The following PTCH2 variants were observed in gnomAD, a reference collection of about 807,000 sequenced individuals.
PTCH2 encodes the protein patched 2, also known as protein patched homolog 2.
In PTCH2, 96 loss-of-function variants were observed where a neutral mutation model predicts 117.9. The observed-to-expected ratio is 0.81, with a 90% confidence interval of 0.69 to 0.96. PTCH2 has a LOEUF of 0.96. Among genes scored for constraint, PTCH2 ranks in the 50% least tolerant of loss-of-function variants. The pLI is 0.00. For synonymous variants in PTCH2, 615 were observed against 660.9 expected, an observed-to-expected ratio of 0.93 and a Z score of 1.06; for missense variants, 1,379 against 1,562.5, an observed-to-expected ratio of 0.88 and a Z score of 1.98.
intron 19 of PTCH2, among the ~76,000 whole-genome samples, chr1:44,825,061 C>T (rs1293957328): frequency 6.6e-6 from 1 of 152,224 alleles, no homozygotes; most frequent in African/African-American, 2.4e-5. Flanking sequence ...ACATTCCAGA[C>T]AGGATCTTGT....
rs758146648 is a variant in PTCH2, at chr1:44,832,253, G to T, written c.354C>A (p.Thr118=). The change falls in exon 3 of 22, where the codon ACC becomes ACA. Residue 118 remains threonine (T), a synonymous_variant. Coordinates refer to ENST00000372192, the MANE Select transcript of PTCH2 (RefSeq NM_003738.5). Reference sequence around the variant, plus strand: ...GGATGTTCTCTCCCTCCTGGCGTGCGGTCTGTATCAGCATCTGAGAGGTGT... The same window carrying T: ...GGATGTTCTCTCCCTCCTGGCGTGCTGTCTGTATCAGCATCTGAGAGGTGT... ...AAYTSQMLIQ[T]ARQEGENILT... is the part of the protein sequence containing the mutation. 7.4e-6 allele frequency: 12 copies of T among 1,614,038 alleles called. No individual in the cohort carries two copies. Among genetic ancestry groups the T allele is most frequent in the Admixed American group, 1.7e-5 (1 of 60,004 alleles).
In PTCH2 at chr1:44,832,251, G is replaced by A; in HGVS notation, c.356C>T (p.Ala119Val). The A allele has an allele frequency of 6.2e-7, 1 of 1,614,210 alleles. No individual in the cohort carries two copies. The highest frequency in any genetic ancestry group is 2.2e-5 in the East Asian group (1 of 44,878). The part of the protein sequence containing the change: ...AYTSQMLIQT[A>V]RQEGENILTP... ...GAGGATGTTCTCTCCCTCCTGGCGT[G>A]CGGTCTGTATCAGCATCTGAGAGGT... The change falls in exon 3 of 22, where the codon GCA becomes GTA. Residue 119 changes from alanine to valine, a missense_variant. Coordinates refer to ENST00000372192, the MANE Select transcript of PTCH2 (RefSeq NM_003738.5).
chr1:44,820,199 C>T (rs2148869878), downstream of PTCH2: 1 of 358,626 alleles, frequency 2.8e-6, no homozygotes, highest in South Asian at 2.0e-5. Flanking sequence ...CGTGGTGCAC[C>T]ATGGGTATGC....
Position 44,829,940 on chromosome 1 carries a change from T to C in PTCH2, c.904A>G (p.Met302Val). 6.2e-7 allele frequency: 1 copy of C among 1,614,124 alleles called. No individual in the cohort carries two copies. The highest frequency in any genetic ancestry group is 8.5e-7 in the Non-Finnish European group (1 of 1,179,992). Reference sequence around the variant, plus strand: ...AGCTCTCCTTGGGGGTCTCTGGCCATGCCTCCCAGCAGCAATTCCTCCTGC... The same window carrying C: ...AGCTCTCCTTGGGGGTCTCTGGCCACGCCTCCCAGCAGCAATTCCTCCTGC... ...HWQEELLLGG[M>V]ARDPQGELLR... The change falls in exon 7 of 22, where the codon ATG becomes GTG. Residue 302 changes from methionine (M) to valine (V), a missense_variant. By Grantham distance (21) the Met-to-Val change is conservative. Transcript: ENST00000372192.
Position 44,843,125 on chromosome 1 carries a change from C to G in PTCH2, c.-193G>C. ...GGGAGGAGTGCAGGGAGCTGCGGGT[C>G]CGGGGCGCGGCGCCGGGATTCACCC... is the stretch of plus-strand genomic sequence containing the variant. On this transcript the variant is annotated 5_prime_UTR_variant, in exon 1 of 22. Transcript: ENST00000372192. 7.6e-7 allele frequency: 1 copy of G among 1,312,874 alleles called. No homozygotes were observed. The highest frequency in any genetic ancestry group is 9.7e-7 in the Non-Finnish European group (1 of 1,033,032). The allele number at this position is 1,312,874 out of a possible 1,614,324, so 81.3% of individuals were successfully genotyped here.
chr1:44,822,579 G>A lies in PTCH2; in HGVS notation c.3448C>T (p.Pro1150Ser), dbSNP rs1652955794. 2 of 1,613,988 alleles carry A rather than the reference G, an allele frequency of 1.2e-6. No homozygotes were observed. Among genetic ancestry groups the A allele is most frequent in the Non-Finnish European group, 8.5e-7 (1 of 1,179,996 alleles). The part of the protein sequence containing the change: ...GLRWGASSSL[P>S]QSFARVTTSM... ...GTAGTCACTCTGGCAAAGCTCTGGG[G>A]CAGGGAGGAGGATGCCCCCCACCTA... The change falls in exon 22 of 22, where the codon CCC becomes TCC. Residue 1150 changes from proline (P) to serine (S), a missense_variant. Coordinates refer to ENST00000372192, the MANE Select transcript of PTCH2 (RefSeq NM_003738.5).
chr1:44,829,060 CAAG>C lies in PTCH2; in HGVS notation c.1383_1385del (p.Phe461del). 6.2e-7 allele frequency: 1 copy of C among 1,609,666 alleles called. No individual in the cohort carries two copies. The highest frequency in any genetic ancestry group is 1.1e-5 in the South Asian group (1 of 90,412). ...CGTCATCCACGCCGATTCCCAGAGCCAAGAAGGGCAGCACCTGGAGGGGCAGAG... is the reference window on the plus strand; with the variant it reads ...CGTCATCCACGCCGATTCCCAGAGCCAAGGGCAGCACCTGGAGGGGCAGAG... On this transcript the variant is annotated inframe_deletion, in exon 11 of 22. Transcript: ENST00000372192.
At chr1:44,842,561 G>A (rs994427475) in intron 1 of PTCH2, among the ~76,000 whole-genome samples, 1 of 152,200 alleles carries the variant, frequency 6.6e-6, no homozygotes, top group Admixed American at 6.5e-5. Context: ...ACAGGCGTGA[G>A]TCACCGCGCC....
chr1:44,835,013 G>A (rs1214108952), intron 2 of PTCH2, among the ~76,000 whole-genome samples: 4 of 152,196 alleles, frequency 2.6e-5, no homozygotes, highest in Non-Finnish European at 5.9e-5. Flanking sequence ...GACTGCAGGT[G>A]ACAGGGGAGG....
At chr1:44,833,438 CT>C (rs779956039) in intron 2 of PTCH2, among the ~76,000 whole-genome samples, 314 of 136,354 alleles carry the variant, frequency 2.3e-3, no homozygotes, top group Non-Finnish European at 2.3e-3. Context: ...ATCTCTTTTC[CT>C]TTTTTTTTTT....
chr1:44,828,553 T>G lies in PTCH2; in HGVS notation c.1543A>C (p.Met515Leu). 6.2e-7 allele frequency: 1 copy of G among 1,614,070 alleles called. No homozygotes were observed. The highest frequency in any genetic ancestry group is 1.1e-5 in the South Asian group (1 of 91,064). ...GCAGGGATGGGAACGAGGGCAGCCA[T>G]GAGGAAGGCGGCCATGTTGTTGATG... ...TSINNMAAFL[M>L]AALVPIPALR... is the part of the protein sequence containing the mutation. The change falls in exon 12 of 22, where the codon ATG becomes CTG. Residue 515 changes from methionine to leucine, a missense_variant. By Grantham distance (15) the Met-to-Leu change is conservative (BLOSUM62 2). Transcript: ENST00000372192.
In PTCH2 at chr1:44,825,844, C is replaced by CTTT. The variant is rs35549385; in HGVS notation, c.3114+403_3114+405dup. Reference sequence around the variant, plus strand: ...TGAGCCACTGTGCCCAGCCCAAATTCTTTTTTTTTTTTTTTTTTGAGACGG... The same window carrying CTTT: ...TGAGCCACTGTGCCCAGCCCAAATTCTTTTTTTTTTTTTTTTTTTTTGAGACGG... On this transcript the variant is annotated intron_variant, in intron 19 of 21. Coordinates refer to ENST00000372192, the MANE Select transcript of PTCH2 (RefSeq NM_003738.5). 1.2e-3 allele frequency among the ~76,000 whole-genome samples: 146 copies of CTTT among 118,396 alleles called. 3 individuals are homozygous for CTTT. Among genetic ancestry groups the CTTT allele is most frequent in the African/African-American group, 3.0e-3 (92 of 30,866 alleles). 77.7% of individuals were successfully genotyped at this position (118,396 alleles called of 152,430 possible).
intron 21 of PTCH2, 144 bp downstream of exon 21, chr1:44,822,925 A>C: frequency 1.0e-6 from 1 of 963,922 alleles, no homozygotes; most frequent in Non-Finnish European, 1.6e-6. Context: ...TGTCTGGGGA[A>C]AGGAGGAGGC....
rs2148873763 is a variant in PTCH2, at chr1:44,826,336, G to C, written c.3028C>G (p.Leu1010Val). ...GGGATGGCACTCAGCTTGATGCCCAGGAAACCCATGATACCAAAGAGTTCC... is the reference window on the plus strand; with the variant it reads ...GGGATGGCACTCAGCTTGATGCCCACGAAACCCATGATACCAAAGAGTTCC... ...TVELFGIMGF[L>V]GIKLSAIPVV... Residue 1010 changes from leucine (L) to valine (V), a missense_variant, in exon 19 of 22, where the codon CTG becomes GTG. By Grantham distance (32) the Leu-to-Val change is conservative. Coordinates refer to ENST00000372192, the MANE Select transcript of PTCH2 (RefSeq NM_003738.5). The surrounding 1 kb of genome is among the most constrained non-coding windows in gnomAD (Gnocchi z 5.1). 1.2e-6 allele frequency: 2 copies of C among 1,614,108 alleles called. No individual in the cohort carries two copies. Among genetic ancestry groups the C allele is most frequent in the South Asian group, 2.2e-5 (2 of 91,078 alleles).
At chr1:44,819,920 A>T (rs894322684), downstream of PTCH2, 3 of 153,258 alleles carry the variant, frequency 2.0e-5, no homozygotes, top group Non-Finnish European at 4.4e-5. Context: ...AATTGAATAA[A>T]AACTCACAAC....
chr1:44,843,122 G>C lies in PTCH2; in HGVS notation c.-190C>G. ...GGAGGGAGGAGTGCAGGGAGCTGCGGGTCCGGGGCGCGGCGCCGGGATTCA... is the reference window on the plus strand; with the variant it reads ...GGAGGGAGGAGTGCAGGGAGCTGCGCGTCCGGGGCGCGGCGCCGGGATTCA... On this transcript the variant is annotated 5_prime_UTR_variant, in exon 1 of 22. Coordinates refer to ENST00000372192, the MANE Select transcript of PTCH2 (RefSeq NM_003738.5). 1 of 1,321,088 alleles carries C rather than the reference G, an allele frequency of 7.6e-7. No individual in the cohort carries two copies. The allele number at this position is 1,321,088 out of a possible 1,614,324, so 81.8% of individuals were successfully genotyped here.
Position 44,827,887 on chromosome 1 carries a change from C to A in PTCH2, c.2014G>T (p.Ala672Ser), listed in dbSNP as rs145383991. ...PCARWNLAHF[A>S]RYQFAPLLLQ... is the part of the protein sequence containing the mutation. ...AGCAACGGGGCAAACTGATAGCGGGCGAAATGGGCAAGATTCCAGCGGGCA... is the reference window on the plus strand; with the variant it reads ...AGCAACGGGGCAAACTGATAGCGGGAGAAATGGGCAAGATTCCAGCGGGCA... The change falls in exon 14 of 22, where the codon GCC becomes TCC. Residue 672 changes from alanine (A) to serine (S), a missense_variant. Ala to Ser is a moderately conservative substitution (Grantham distance 99). Transcript: ENST00000372192. 6.2e-7 allele frequency: 1 copy of A among 1,614,164 alleles called. No homozygotes were observed. Among genetic ancestry groups the A allele is most frequent in the South Asian group, 1.1e-5 (1 of 91,086 alleles).
In PTCH2 at chr1:44,842,855, A is replaced by T. The variant is rs1573666462; in HGVS notation, c.72+6T>A. The T allele has an allele frequency of 6.5e-7, 1 of 1,542,928 alleles. No homozygotes were observed. Among genetic ancestry groups the T allele is most frequent in the Non-Finnish European group, 8.8e-7 (1 of 1,142,160 alleles). On this transcript the variant is annotated splice_donor_region_variant and intron_variant, in intron 1 of 21. Coordinates refer to ENST00000372192, the MANE Select transcript of PTCH2 (RefSeq NM_003738.5). The stretch of plus-strand genomic sequence containing the variant: ...TCTTCCTTCTTCCAGCTCCCCCTCT[A>T]CTCACCTGGGGTGCTGCGGTTCGAG...
rs1653359051 is a variant in PTCH2, at chr1:44,829,995, G to A, written c.849C>T (p.Cys283=). 1 of 1,614,054 alleles carries A rather than the reference G, an allele frequency of 6.2e-7. No homozygotes were observed. Among genetic ancestry groups the A allele is most frequent in the Non-Finnish European group, 8.5e-7 (1 of 1,180,020 alleles). ...PNVAHELSGG[C]HGFSHKFMHW... is the part of the protein sequence containing the mutation. Reference sequence around the variant, plus strand: ...GCATGAATTTGTGGGAGAAGCCATGGCAGCCCCCACTCAGCTCGTGAGCCA... The same window carrying A: ...GCATGAATTTGTGGGAGAAGCCATGACAGCCCCCACTCAGCTCGTGAGCCA... The change falls in exon 7 of 22, where the codon TGC becomes TGT. Residue 283 remains cysteine (C), a synonymous_variant. Coordinates refer to ENST00000372192, the MANE Select transcript of PTCH2 (RefSeq NM_003738.5).
Sources: allele counts gnomAD v4.1 joint callset (sites outside exome capture counted in the v4.1 genomes callset), GRCh38; gene constraint gnomAD v4.1.1; non-coding constraint Gnocchi (gnomAD v3.1); transcripts MANE v1.5; gene names NCBI Gene and HGNC (gene_info 2026-07-23, HGNC 2026-07-21).